Variants in ADGRV1 observed in about 807,000 individuals in gnomAD.
ADGRV1 encodes G-protein coupled receptor 98.
ADGRV1 carries 359 observed loss-of-function variants against 596.2 expected under a neutral mutation model. The observed-to-expected ratio is 0.60, with a 90% CI of 0.55 to 0.66. The LOEUF (loss-of-function observed/expected upper bound fraction) is 0.66. Among genes scored for constraint, ADGRV1 ranks in the 30% least tolerant of loss-of-function variants. ADGRV1 has a pLI of 0.00. For missense variants in ADGRV1, 7,274 were observed against 7,575.6 expected, an observed-to-expected ratio of 0.96 and a Z score of 1.48; for synonymous variants, 2,681 against 2,679.2, an observed-to-expected ratio of 1.00 and a Z score of -0.02.
chr5:90,785,902 T>G lies in ADGRV1; in HGVS notation c.13653+1845T>G, dbSNP rs148924100. Among the ~76,000 whole-genome samples the G allele has an allele frequency of 5.7e-3, 867 of 152,294 alleles. 6 individuals carry two copies. The highest frequency in any genetic ancestry group is 9.4e-3 in the Non-Finnish European group (638 of 68,028). On this transcript the variant is annotated intron_variant, in intron 67 of 89. Transcript: ENST00000405460. ...TTGACCCAGCCATCCCATTACTGGG[T>G]ATATACCCAAAGGATTATAAATCAT...
rs773654115 is a variant in ADGRV1 at position 90,791,182 on chromosome 5, A to G, written c.14353A>G (p.Ile4785Val). 20 of 1,613,876 alleles carry G rather than the reference A, an allele frequency of 1.2e-5. No homozygotes were observed. In the Admixed American group the frequency reaches 2.3e-4, roughly 19 times the overall value. The change falls in exon 70 of 90, where the codon ATT (isoleucine) becomes GTT (valine). Residue 4785 changes from isoleucine (I) to valine (V), a missense_variant. Physicochemically the swap from Ile to Val is conservative, Grantham distance 29 (BLOSUM62 3). Around this residue, in one of 5 missense-constraint regions of ADGRV1, gnomAD observed 1,874 missense variants for 1,970.2 expected, o/e 0.95. Coordinates refer to ENST00000405460, the MANE Select transcript of ADGRV1 (RefSeq NM_032119.4). ...IGQNLIRSIQ[I>V]NITRLAGTFG... ...GCAGAACCTTATTAGATCCATCCAA[A>G]TTAACATAACCCGGCTTGCTGGAAC...
intron 83 of ADGRV1, among the ~76,000 whole-genome samples, chr5:90,896,785 T>C (rs1771365339): frequency 1.3e-5 from 2 of 152,182 alleles, no homozygotes; most frequent in African/African-American, 2.4e-5. Flanking sequence ...AATGAAAAAG[T>C]AAATACTATG....
intron 11 of ADGRV1, among the ~76,000 whole-genome samples, chr5:90,641,142 G>A (rs1233639645): frequency 1.3e-5 from 2 of 152,136 alleles, no homozygotes; most frequent in African/African-American, 4.8e-5. Flanking sequence ...ACATTTAGAC[G>A]AACTTAAAAT....
chr5:90,944,979 C>G (rs1581593835), intron 83 of ADGRV1, among the ~76,000 whole-genome samples: 2 of 152,248 alleles, frequency 1.3e-5, no homozygotes, highest in East Asian at 3.9e-4. Context: ...TAAAAGATGA[C>G]TCTGTGGTTA....
intron 59 of ADGRV1, among the ~76,000 whole-genome samples, chr5:90,769,088 C>T (rs1757428793): frequency 6.6e-6 from 1 of 152,116 alleles, no homozygotes; most frequent in East Asian, 1.9e-4. Flanking sequence ...AAGGGGTTGT[C>T]TTCAGATGAG....
chr5:90,791,574 C>CT, intron 70 of ADGRV1: 1 of 512,120 alleles, frequency 2.0e-6, no homozygotes, highest in East Asian at 3.2e-5. Context: ...GTAACAGACA[C>CT]TTATTTAATA....
chr5:90,613,710 T>C (rs893744009), intron 1 of ADGRV1, among the ~76,000 whole-genome samples: 1 of 152,108 alleles, frequency 6.6e-6, no homozygotes, highest in African/African-American at 2.4e-5. Flanking sequence ...TGAGACATCA[T>C]TGAGCAGTCT....
At chr5:90,792,461 G>T (rs1395688306) in intron 70 of ADGRV1, 1 of 152,182 alleles carries the variant, frequency 6.6e-6, no homozygotes, top group Non-Finnish European at 1.5e-5. Context: ...AACAAATGGG[G>T]TCTTCTTAGT....
intron 83 of ADGRV1, among the ~76,000 whole-genome samples, chr5:90,964,674 G>A (rs1177308338): frequency 6.6e-6 from 1 of 150,930 alleles, no homozygotes; most frequent in Non-Finnish European, 1.5e-5. Context: ...GAGTAAAACA[G>A]TCAACGATCC....
chr5:90,616,526 C>T (rs1036042519), intron 2 of ADGRV1, among the ~76,000 whole-genome samples: 1 of 151,994 alleles, frequency 6.6e-6, no homozygotes, highest in Non-Finnish European at 1.5e-5. Context: ...ATTGATTTTC[C>T]TGACACAGTT....
intron 59 of ADGRV1, among the ~76,000 whole-genome samples, chr5:90,765,417 A>T (rs1392212130): frequency 6.8e-6 from 1 of 147,634 alleles, no homozygotes; most frequent in Non-Finnish European, 1.5e-5. Context: ...TGATGGGGGG[A>T]AAAATCACAG....
intron 21 of ADGRV1, among the ~76,000 whole-genome samples, chr5:90,668,259 G>A (rs1366731246): frequency 1.3e-5 from 2 of 151,878 alleles, no homozygotes; most frequent in African/African-American, 2.4e-5. Flanking sequence ...AGCAATCAGC[G>A]AGACTCCATG....
intron 87 of ADGRV1, among the ~76,000 whole-genome samples, chr5:91,122,743 A>G (rs781211161): frequency 6.6e-6 from 1 of 152,174 alleles, no homozygotes; most frequent in African/African-American, 2.4e-5. Flanking sequence ...AATATGCAAA[A>G]GTTTATCTTT....
intron 84 of ADGRV1, among the ~76,000 whole-genome samples, chr5:90,972,483 A>G (rs1488146356): frequency 6.6e-6 from 1 of 152,222 alleles, no homozygotes; most frequent in Non-Finnish European, 1.5e-5. Flanking sequence ...GTAAAAGAAC[A>G]GAAATTATAA....
At chr5:90,706,151 G>T in intron 37 of ADGRV1, 80 bp from the exon 38 acceptor site, 2 of 1,342,842 alleles carry the variant, frequency 1.5e-6, no homozygotes, top group African/African-American at 3.0e-5. Context: ...GTGCTTTTAG[G>T]AAAGGCAAAA....
intron 85 of ADGRV1, among the ~76,000 whole-genome samples, chr5:91,058,330 TG>T (rs1216297212): frequency 2.0e-5 from 3 of 152,176 alleles, no homozygotes; most frequent in Non-Finnish European, 4.4e-5. Flanking sequence ...CAGCTCAGAA[TG>T]GCAGGGATAT....
intron 4 of ADGRV1, among the ~76,000 whole-genome samples, chr5:90,621,754 G>A (rs1009481522): frequency 2.0e-5 from 3 of 152,108 alleles, no homozygotes; most frequent in African/African-American, 7.2e-5. Flanking sequence ...TAACCATTGA[G>A]CTCACGGTGG....
At chr5:90,702,334 A>T (rs1483000627) in intron 34 of ADGRV1, among the ~76,000 whole-genome samples, 2 of 151,970 alleles carry the variant, frequency 1.3e-5, no homozygotes, top group African/African-American at 4.8e-5. Flanking sequence ...TAAAACTAAG[A>T]CATAGTCTAC....
chr5:91,156,864 G>A (rs748146678), intron 89 of ADGRV1, among the ~76,000 whole-genome samples: 1 of 152,118 alleles, frequency 6.6e-6, no homozygotes, highest in Non-Finnish European at 1.5e-5. Context: ...TGACCCATAA[G>A]GCCAGATTCA....
Sources: gnomAD v4.1 joint callset for allele counts (sites outside exome capture counted in the v4.1 genomes callset) on GRCh38, gnomAD v4.1.1 for gene constraint, gnomAD v4.1.1 regional missense constraint, MANE v1.5 for transcripts, NCBI Gene and HGNC (gene_info 2026-07-23, HGNC 2026-07-21) for gene names.